GPHN: variants seen among roughly 807,000 people sequenced by gnomAD.
GPHN encodes gephyrin.
Under a neutral mutation model 95.5 loss-of-function variants are expected in GPHN, and 17 were observed. The ratio of observed to expected loss-of-function variants is 0.18; its 90% confidence interval spans 0.12 to 0.27. GPHN has a LOEUF of 0.27. GPHN is among the 10% of genes least tolerant of loss of function. GPHN has a pLI of 1.00. For synonymous variants in GPHN, 320 were observed against 322.5 expected, an observed-to-expected ratio of 0.99 and a Z score of 0.08; for missense variants, 660 against 978.1, an observed-to-expected ratio of 0.67 and a Z score of 4.34.
the GPHN span, chr14:67,659,919 C>A: frequency 8.4e-5 from 135 of 1,612,014 alleles, no homozygotes; most frequent in Non-Finnish European, 1.1e-4. Context: ...TCCATCTCTG[C>A]CAGCTGGGAA....
At chr14:67,091,217 A>C (rs2077134468) in intron 12 of GPHN, among the ~76,000 whole-genome samples, 1 of 152,042 alleles carries the variant, frequency 6.6e-6, no homozygotes, top group Admixed American at 6.6e-5. Context: ...TCACTAGATT[A>C]GAATACTTCT....
chr14:67,231,537 A>T, the GPHN span, among the ~76,000 whole-genome samples: 2 of 151,874 alleles, frequency 1.3e-5, no homozygotes, highest in Non-Finnish European at 2.9e-5. Flanking sequence ...GCCTTTAGTG[A>T]TTTTCTCGCC....
chr14:66,876,060 C>G (rs2063650273), intron 4 of GPHN, among the ~76,000 whole-genome samples: 1 of 152,146 alleles, frequency 6.6e-6, no homozygotes, highest in African/African-American at 2.4e-5. Context: ...TCTCAGACCA[C>G]AGTGCAATCA....
At chr14:66,587,599 A>T (rs778905429) in intron 1 of GPHN, among the ~76,000 whole-genome samples, 2 of 152,246 alleles carry the variant, frequency 1.3e-5, no homozygotes, top group African/African-American at 4.8e-5. Flanking sequence ...GTCATACACT[A>T]CATTAACAAA....
At chr14:67,172,843 C>G (rs2140107601) in intron 21 of GPHN, among the ~76,000 whole-genome samples, 1 of 152,306 alleles carries the variant, frequency 6.6e-6, no homozygotes, top group African/African-American at 2.4e-5. Flanking sequence ...GTCTGGGATT[C>G]TACCAAGCCC....
chr14:66,537,425 G>A (rs559272796), intron 1 of GPHN, among the ~76,000 whole-genome samples: 2 of 151,968 alleles, frequency 1.3e-5, no homozygotes, highest in South Asian at 4.2e-4. Flanking sequence ...AGTTATCTTA[G>A]AGATTTTAAT....
At chr14:67,278,329 C>T in the GPHN span, among the ~76,000 whole-genome samples, 2 of 151,024 alleles carry the variant, frequency 1.3e-5, no homozygotes, top group African/African-American at 2.5e-5. Flanking sequence ...AGCCACTGCA[C>T]CCGGCCCAAT....
intron 4 of GPHN, chr14:66,842,788 A>G: frequency 9.4e-7 from 1 of 1,063,544 alleles, no homozygotes; most frequent in Admixed American, 2.4e-5. Flanking sequence ...TTCTTTTATC[A>G]TCATAAAAAA....
chr14:67,477,036 T>C, the GPHN span, among the ~76,000 whole-genome samples: 1 of 152,096 alleles, frequency 6.6e-6, no homozygotes, highest in African/African-American at 2.4e-5. Flanking sequence ...TGTGGTGGCA[T>C]GCGCCTATAA....
intron 1 of GPHN, among the ~76,000 whole-genome samples, chr14:66,665,107 G>C (rs1031659628): frequency 6.6e-6 from 1 of 151,890 alleles, no homozygotes; most frequent in African/African-American, 2.4e-5. Flanking sequence ...AATTGAAGAG[G>C]AGAAACTCCT....
chr14:67,068,434 C>T (rs1270523768), intron 11 of GPHN, among the ~76,000 whole-genome samples: 1 of 152,188 alleles, frequency 6.6e-6, no homozygotes, highest in Non-Finnish European at 1.5e-5. Context: ...GTAAGACTAA[C>T]ATTTATGATT....
chr14:66,698,336 T>C (rs2068255619), intron 2 of GPHN, among the ~76,000 whole-genome samples: 1 of 152,186 alleles, frequency 6.6e-6, no homozygotes, highest in Non-Finnish European at 1.5e-5. Flanking sequence ...ATTTTGTAGA[T>C]AACTTGAAAT....
At chr14:66,718,079 C>G (rs1363228275) in intron 2 of GPHN, among the ~76,000 whole-genome samples, 1 of 152,076 alleles carries the variant, frequency 6.6e-6, no homozygotes, top group East Asian at 1.9e-4. Flanking sequence ...CGAGTGTACA[C>G]CCTTTGTGTT....
At chr14:67,390,835 A>C in the GPHN span, 1 of 893,140 alleles carries the variant, frequency 1.1e-6, no homozygotes. Flanking sequence ...AACCCCCAAC[A>C]AGCCAGCCCG....
chr14:67,019,604 ATTCT>A (rs1759846636), intron 9 of GPHN, among the ~76,000 whole-genome samples: 1 of 152,184 alleles, frequency 6.6e-6, no homozygotes, highest in Non-Finnish European at 1.5e-5. Context: ...TTATGAACCT[ATTCT>A]TAACACGGGT....
chr14:67,309,963 G>A, the GPHN span, among the ~76,000 whole-genome samples: 1 of 151,150 alleles, frequency 6.6e-6, no homozygotes, highest in African/African-American at 2.4e-5. Context: ...TACAAGTGAT[G>A]CCAAAAATTC....
At chr14:67,051,654 A>T (rs925552828) in intron 10 of GPHN, among the ~76,000 whole-genome samples, 1 of 152,204 alleles carries the variant, frequency 6.6e-6, no homozygotes, top group East Asian at 1.9e-4. Flanking sequence ...CAAGACACAT[A>T]ATCATCAGAT....
chr14:67,733,155 G>C, the GPHN span, among the ~76,000 whole-genome samples: 1 of 152,028 alleles, frequency 6.6e-6, no homozygotes, highest in East Asian at 1.9e-4. Context: ...AAAAAAACAT[G>C]ATGAGAACTG....
At chr14:67,047,310 CATTTA>C (rs1191460965) in intron 10 of GPHN, among the ~76,000 whole-genome samples, 3 of 127,704 alleles carry the variant, frequency 2.3e-5, no homozygotes, top group Admixed American at 7.8e-5. Context: ...ATCTTTTCTT[CATTTA>C]TTTTGTGTGT....
Sources: gnomAD v4.1 joint callset for allele counts (sites outside exome capture counted in the v4.1 genomes callset) on GRCh38, gnomAD v4.1.1 for gene constraint, MANE v1.5 for transcripts, NCBI Gene and HGNC (gene_info 2026-07-23, HGNC 2026-07-21) for gene names.